Variants in MBTPS2 observed in about 807,000 individuals in gnomAD.
The protein encoded by MBTPS2 is membrane bound transcription factor peptidase, site 2.
A neutral mutation model predicts 35.4 loss-of-function variants in MBTPS2; 2 were observed. The observed-to-expected ratio is 0.06, with a 90% confidence interval of 0.02 to 0.18. The LOEUF (loss-of-function observed/expected upper bound fraction) is 0.18. MBTPS2 is among the 10% of genes least tolerant of loss of function. The pLI, the probability that MBTPS2 is intolerant of heterozygous loss-of-function variation, is 1.00. For missense variants in MBTPS2, 244 were observed against 386.5 expected (o/e 0.63, Z 3.09); for synonymous variants, 125 against 140.4 (o/e 0.89, Z 0.77).
intron 7 of MBTPS2, among the ~76,000 whole-genome samples, chrX:21,875,439 A>G (rs1186338530): frequency 4.5e-5 from 5 of 111,586 alleles, no homozygotes; most frequent in Non-Finnish European, 9.4e-5. Context: ...CATATGATCC[A>G]CTTCATTTAT....
At chrX:21,876,098 G>C (rs1402274518) in intron 7 of MBTPS2, among the ~76,000 whole-genome samples, 1 of 111,852 alleles carries the variant, frequency 8.9e-6, no homozygotes, top group East Asian at 2.8e-4. Context: ...GTTTTAGCTT[G>C]GATTGATTTT....
Position 21,839,665 on chromosome X carries a change from G to C in MBTPS2, c.-70G>C, listed in dbSNP as rs1429811943. ...GATGCTGGGGCTGTAAGGCGCGCGCGGTCAGCTGTTGGCGGTGCAGGGAGG... is the reference window on the plus strand; with the variant it reads ...GATGCTGGGGCTGTAAGGCGCGCGCCGTCAGCTGTTGGCGGTGCAGGGAGG... On this transcript the variant is annotated 5_prime_UTR_variant, in exon 1 of 11. Coordinates refer to ENST00000379484, the MANE Select transcript of MBTPS2 (RefSeq NM_015884.4). The C allele has an allele frequency of 3.9e-5, 42 of 1,069,906 alleles. No individual in the cohort carries two copies. Among genetic ancestry groups the C allele is most frequent in the Non-Finnish European group, 5.1e-5 (40 of 785,860 alleles). The allele number at this position is 1,069,906 out of a possible 1,213,427, so 88.2% of individuals were successfully genotyped here. A position where few individuals can be genotyped will look rare whatever the true frequency, so the allele number is the denominator to read the frequency against.
chrX:21,849,858 C>CAAAA (rs34366540), intron 3 of MBTPS2, among the ~76,000 whole-genome samples: 1 of 77,226 alleles, frequency 1.3e-5, no homozygotes, highest in Non-Finnish European at 2.6e-5. Context: ...ACTAAAAATA[C>CAAAA]AAAAAAAAAA....
At chrX:21,862,899 A>T (rs868490182) in intron 5 of MBTPS2, among the ~76,000 whole-genome samples, 2 of 68,729 alleles carry the variant, frequency 2.9e-5, no homozygotes, top group African/African-American at 1.1e-4. Flanking sequence ...CATATATATA[A>T]ACATATATAA....
Position 21,852,769 on chromosome X carries a change from T to C in MBTPS2, c.543-607T>C, listed in dbSNP as rs1250031269. ...TTTTATGAGACTTAAATATTAATTT[T>C]TGGAAAATGAACTGATAAAAAATGG... On this transcript the variant is annotated intron_variant, in intron 4 of 10. Coordinates refer to ENST00000379484, the MANE Select transcript of MBTPS2 (RefSeq NM_015884.4). Among the ~76,000 whole-genome samples the C allele has an allele frequency of 5.4e-5, 6 of 110,699 alleles. No individual in the cohort carries two copies. In the Admixed American group the frequency reaches 5.8e-4, roughly 11 times the overall value.
chrX:21,850,673 T>G (rs897659988), intron 3 of MBTPS2, among the ~76,000 whole-genome samples: 1 of 111,136 alleles, frequency 9.0e-6, no homozygotes, highest in Non-Finnish European at 1.9e-5. Context: ...TTACTTATCT[T>G]ACGAGAATAT....
chrX:21,863,158 C>T (rs1403451941), intron 5 of MBTPS2, among the ~76,000 whole-genome samples: 3 of 96,611 alleles, frequency 3.1e-5, no homozygotes, highest in African/African-American at 1.1e-4. Context: ...GTCCCAGCTA[C>T]TTAGGACACT....
intron 2 of MBTPS2, among the ~76,000 whole-genome samples, chrX:21,844,133 T>TAAAC (rs1478332966): frequency 9.4e-6 from 1 of 106,109 alleles, no homozygotes; most frequent in African/African-American, 3.4e-5. Context: ...AATAAATAAA[T>TAAAC]AAATAAATAA....
At chrX:21,877,685 T>C (rs1329094374) in intron 7 of MBTPS2, among the ~76,000 whole-genome samples, 1 of 111,653 alleles carries the variant, frequency 9.0e-6, no homozygotes, top group Admixed American at 9.5e-5. Context: ...AGCAGTAATG[T>C]TGGATCATTG....
At chrX:21,864,226 T>G (rs889077984) in intron 5 of MBTPS2, among the ~76,000 whole-genome samples, 1 of 112,486 alleles carries the variant, frequency 8.9e-6, no homozygotes, top group African/African-American at 3.2e-5. Flanking sequence ...TGTTTTGTTT[T>G]GTTTTGTTTT....
intron 5 of MBTPS2, among the ~76,000 whole-genome samples, chrX:21,862,967 T>TATATATATATATATATATATA (rs1283198445): frequency 1.7e-5 from 1 of 58,366 alleles, no homozygotes; most frequent in Non-Finnish European, 3.1e-5. Flanking sequence ...TATATATATA[T>TATATATATATATATATATATA]AAAACCGACT....
In MBTPS2 at chrX:21,856,757, C is replaced by T. The variant is rs1196997673; in HGVS notation, c.670+3254C>T. The T allele has an allele frequency of 5.0e-6, 6 of 1,209,863 alleles. No individual in the cohort carries two copies. The African/African-American group carries it at 7.0e-5, about 14-fold the overall frequency. ...CACAAGAGGAAGTGGTGGGCTATTG[C>T]GACTCAGACAACCAGCTAGGCAACG... On this transcript the variant is annotated intron_variant, in intron 5 of 10. Coordinates refer to ENST00000379484, the MANE Select transcript of MBTPS2 (RefSeq NM_015884.4).
intron 3 of MBTPS2, among the ~76,000 whole-genome samples, chrX:21,845,965 A>G (rs2092908237): frequency 9.0e-6 from 1 of 111,709 alleles, no homozygotes; most frequent in Admixed American, 9.5e-5. Flanking sequence ...CTTTTATTTC[A>G]CATTTTTACA....
In MBTPS2 at chrX:21,851,647, C is replaced by CA. The variant is rs201560255; in HGVS notation, c.542+43dup. On this transcript the variant is annotated intron_variant, in intron 4 of 10. Coordinates refer to ENST00000379484, the MANE Select transcript of MBTPS2 (RefSeq NM_015884.4). ...TTTACCTTTTTCTTTGTACTACATG[C>CA]AAAAAAAAGCTTTTCATTTAGGAGG... 7,682 of 898,967 alleles carry CA rather than the reference C, an allele frequency of 8.5e-3. 331 individuals are homozygous for CA. In the African/African-American group the frequency reaches 0.13, roughly 15 times the overall value. 74.1% of individuals were successfully genotyped at this position (898,967 alleles called of 1,213,427 possible). A position where few individuals can be genotyped will look rare whatever the true frequency, so the allele number is the denominator to read the frequency against.
intron 7 of MBTPS2, chrX:21,872,361 A>G (rs1160573748): frequency 8.9e-6 from 1 of 111,860 alleles, no homozygotes; most frequent in Admixed American, 9.5e-5. Context: ...TTTTCCCTGA[A>G]ACACTCAGAA....
chrX:21,850,492 A>C (rs914052911), intron 3 of MBTPS2, among the ~76,000 whole-genome samples: 1 of 110,629 alleles, frequency 9.0e-6, no homozygotes, highest in African/African-American at 3.3e-5. Context: ...TTTATAATTA[A>C]TATAATTATA....
chrX:21,862,925 TATATAAAC>T (rs1199668703), intron 5 of MBTPS2, among the ~76,000 whole-genome samples: 170 of 40,143 alleles, frequency 4.2e-3, no homozygotes, highest in Non-Finnish European at 5.6e-3. Context: ...TAAACATATA[TATATAAAC>T]ATATATATAT....
intron 9 of MBTPS2, among the ~76,000 whole-genome samples, chrX:21,880,143 C>T (rs1272656392): frequency 9.2e-6 from 1 of 108,109 alleles, no homozygotes; most frequent in African/African-American, 3.4e-5. Flanking sequence ...TTGGTAGAGA[C>T]AGGGTTTCAC....
At chrX:21,848,706 AAAC>A (rs944842299) in intron 3 of MBTPS2, among the ~76,000 whole-genome samples, 1 of 111,045 alleles carries the variant, frequency 9.0e-6, no homozygotes, top group African/African-American at 3.3e-5. Context: ...AAATAAAATA[AAAC>A]AACAACAACA....
Sources: gnomAD v4.1 joint callset for allele counts (sites outside exome capture counted in the v4.1 genomes callset) on GRCh38, gnomAD v4.1.1 for gene constraint, MANE v1.5 for transcripts, NCBI Gene and HGNC (gene_info 2026-07-23, HGNC 2026-07-21) for gene names.